The following CARS1 variants were observed in gnomAD, a reference collection of about 807,000 sequenced individuals.
CARS1 encodes cysteine--tRNA ligase, cytoplasmic.
Under a neutral mutation model 106.2 loss-of-function variants are expected in CARS1, and 48 were observed. The observed-to-expected ratio is 0.45, with a 90% CI of 0.36 to 0.57. The LOEUF is 0.57. CARS1 is among the 20% of genes least tolerant of loss of function. The pLI is 0.00. For missense variants in CARS1, 968 were observed against 1,057.2 expected, an observed-to-expected ratio of 0.92 and a Z score of 1.17; for synonymous variants, 409 against 403.4, an observed-to-expected ratio of 1.01 and a Z score of -0.17.
chr11:3,025,830 G>C (rs1050372224), intron 10 of CARS1, among the ~76,000 whole-genome samples: 1 of 152,142 alleles, frequency 6.6e-6, no homozygotes, highest in Admixed American at 6.5e-5. Context: ...GATCCAGATG[G>C]GCGCACAGGC....
rs1188388613 is a variant in CARS1 at position 3,040,657 on chromosome 11, C to T, written c.455+239G>A. The T allele has an allele frequency of 4.4e-6, 3 of 679,750 alleles. No homozygotes were observed. The highest frequency in any genetic ancestry group is 3.0e-5 in the South Asian group (2 of 66,352). The allele number at this position is 679,750 out of a possible 1,614,324, so 42.1% of individuals were successfully genotyped here. On this transcript the variant is annotated intron_variant, in intron 4 of 22. Coordinates refer to ENST00000380525, the MANE Select transcript of CARS1 (RefSeq NM_001014437.3). This position sits in a 1 kb window ranked among gnomAD's most constrained non-coding sequence, Gnocchi z 5.8. ...CGAGTCCAGCATGTTAGCAGTGGGG[C>T]TATGGACATTTTCTTTTTGGTGATC... is the stretch of plus-strand genomic sequence containing the variant.
Position 3,029,766 on chromosome 11 carries a change from G to T in CARS1, c.802-323C>A. The T allele has an allele frequency of 2.8e-6, 1 of 357,234 alleles. No individual in the cohort carries two copies. The highest frequency in any genetic ancestry group is 5.1e-5 in the South Asian group (1 of 19,610). 22.1% of individuals were successfully genotyped at this position (357,234 alleles called of 1,614,324 possible). A position where few individuals can be genotyped will look rare whatever the true frequency, so the allele number is the denominator to read the frequency against. ...GCCTACCTGGGCCGTGCAGGGCAGG[G>T]TTATGGGCAGAGGCTGGGCAGGAGC... On this transcript the variant is annotated intron_variant, in intron 7 of 22. Transcript: ENST00000380525. This position sits in a 1 kb window ranked among gnomAD's most constrained non-coding sequence, Gnocchi z 5.9.
At chr11:3,036,261 A>T (rs553694244) in intron 7 of CARS1, among the ~76,000 whole-genome samples, 1 of 152,228 alleles carries the variant, frequency 6.6e-6, no homozygotes, top group Non-Finnish European at 1.5e-5. Context: ...CTCGATGCCG[A>T]GTCTCATGAG....
Position 3,019,020 on chromosome 11 carries a change from C to T in CARS1, c.1395+119G>A, listed in dbSNP as rs747882472. On this transcript the variant is annotated intron_variant, in intron 12 of 22. Coordinates refer to ENST00000380525, the MANE Select transcript of CARS1 (RefSeq NM_001014437.3). The surrounding 1 kb of genome is among the most constrained non-coding windows in gnomAD (Gnocchi z 6.2). ...GGGTTCAGATTCCACCCACAAGCCC[C>T]GATGAAGGTGTCAAGTTCTAGTGAG... The T allele has an allele frequency of 2.4e-5, 30 of 1,228,188 alleles. No individual in the cohort carries two copies. Among genetic ancestry groups the T allele is most frequent in the Admixed American group, 4.8e-5 (2 of 41,362 alleles). 76.1% of individuals were successfully genotyped at this position (1,228,188 alleles called of 1,614,324 possible). A position where few individuals can be genotyped will look rare whatever the true frequency, so the allele number is the denominator to read the frequency against.
chr11:3,012,040 G>C (rs1014006989), intron 18 of CARS1, among the ~76,000 whole-genome samples, 155 bp downstream of exon 18: 1 of 152,240 alleles, frequency 6.6e-6, no homozygotes, highest in African/African-American at 2.4e-5. Context: ...GGTGGGTCCA[G>C]GCCCGGGATG....
At position 3,038,272 on chromosome 11, in the gene CARS1, G is replaced by A; in HGVS notation, c.652-73C>T. On this transcript the variant is annotated intron_variant, in intron 6 of 22. Coordinates refer to ENST00000380525, the MANE Select transcript of CARS1 (RefSeq NM_001014437.3). The surrounding 1 kb of genome is among the most constrained non-coding windows in gnomAD (Gnocchi z 4.0). ...ACCTAAATTCATAAAGGTGATTCCA[G>A]GTAGAAAACAGAACGGTTTTTCCCA... 1 of 1,421,950 alleles carries A rather than the reference G, an allele frequency of 7.0e-7. No individual in the cohort carries two copies. The highest frequency in any genetic ancestry group is 9.8e-7 in the Non-Finnish European group (1 of 1,018,594). 88.1% of individuals were successfully genotyped at this position (1,421,950 alleles called of 1,614,324 possible).
chr11:3,044,417 C>CT lies in CARS1; in HGVS notation c.275-2162dup, dbSNP rs548042692. Among the ~76,000 whole-genome samples, 1,074 of 146,714 alleles carry CT rather than the reference C, an allele frequency of 7.3e-3. 6 individuals carry two copies. The highest frequency in any genetic ancestry group is 0.021 in the African/African-American group (837 of 40,344). ...ATATCACATAAGGACCCTTGCCCCC[C>CT]TTTTTTTTTTTTAGATAAAATCTGG... On this transcript the variant is annotated intron_variant, in intron 2 of 22. Transcript: ENST00000380525. The surrounding 1 kb of genome is among the most constrained non-coding windows in gnomAD (Gnocchi z 4.4).
intron 9 of CARS1, 51 bp from the exon 10 acceptor site, chr11:3,026,848 G>A (rs376026773): frequency 1.9e-6 from 3 of 1,576,472 alleles, no homozygotes; most frequent in Non-Finnish European, 2.6e-6. Flanking sequence ...ACCCGAAAGT[G>A]TGTCAGCAGG....
chr11:3,009,902 G>A (rs1850283527), intron 18 of CARS1, among the ~76,000 whole-genome samples: 1 of 152,216 alleles, frequency 6.6e-6, no homozygotes, highest in Non-Finnish European at 1.5e-5. Flanking sequence ...ACTATTTGCT[G>A]CTGCTGGGGA....
At chr11:3,024,349 A>G (rs1851847890) in intron 10 of CARS1, among the ~76,000 whole-genome samples, 1 of 152,046 alleles carries the variant, frequency 6.6e-6, no homozygotes, top group African/African-American at 2.4e-5. Flanking sequence ...TTTCTTTCCT[A>G]GGAGTTATCC....
chr11:3,026,887 T>C (rs539495757), intron 9 of CARS1, 90 bp from the exon 10 acceptor site: 99 of 1,459,028 alleles, frequency 6.8e-5, no homozygotes, highest in East Asian at 2.3e-5. Flanking sequence ...AGCAGGGCTA[T>C]AAAAGTGCGA....
intron 1 of CARS1, among the ~76,000 whole-genome samples, chr11:3,056,773 T>TG (rs1158326672): frequency 1.3e-5 from 2 of 152,108 alleles, no homozygotes; most frequent in Non-Finnish European, 2.9e-5. Context: ...AAAGGCCAGC[T>TG]GGGGCAAGAG....
intron 7 of CARS1, among the ~76,000 whole-genome samples, chr11:3,033,139 T>G (rs1299100059): frequency 2.0e-5 from 3 of 152,136 alleles, no homozygotes; most frequent in Non-Finnish European, 4.4e-5. Flanking sequence ...CTTGTTTTTG[T>G]TTTTTTAAGA....
rs746221065 is a variant in CARS1, at chr11:3,005,457, A to T, written c.2150-24T>A. 3 of 1,604,944 alleles carry T rather than the reference A, an allele frequency of 1.9e-6. No individual in the cohort carries two copies. In the Admixed American group the frequency reaches 5.0e-5, roughly 27 times the overall value. On this transcript the variant is annotated intron_variant, in intron 19 of 22. Coordinates refer to ENST00000380525, the MANE Select transcript of CARS1 (RefSeq NM_001014437.3). The stretch of plus-strand genomic sequence containing the variant: ...TCCTGCAAAATAAACTGCGTGTGAG[A>T]AGAGTCTGGGCTCTGTGGGCCGTCC...
In CARS1 at chr11:3,053,451, G is replaced by C. The variant is rs1350231176; in HGVS notation, c.25+3892C>G. 6.6e-6 allele frequency among the ~76,000 whole-genome samples: 1 copy of C among 152,096 alleles called. No homozygotes were observed. The highest frequency in any genetic ancestry group is 1.5e-5 in the Non-Finnish European group (1 of 68,014). ...TCTACATATTGGCCAGGCTGGTCTA[G>C]AACTCCTGACCTCAGGTGATCCACC... On this transcript the variant is annotated intron_variant, in intron 1 of 22. Transcript: ENST00000380525. This position sits in a 1 kb window ranked among gnomAD's most constrained non-coding sequence, Gnocchi z 6.6.
At chr11:3,016,514 C>T (rs1226723954) in intron 16 of CARS1, among the ~76,000 whole-genome samples, 1 of 152,068 alleles carries the variant, frequency 6.6e-6, no homozygotes, top group Non-Finnish European at 1.5e-5. Flanking sequence ...TGAGCCACAG[C>T]GCCTGGCGTG....
At position 3,041,400 on chromosome 11, in the gene CARS1, T is replaced by C. The variant is rs116267373; in HGVS notation, c.367-416A>G. Reference sequence around the variant, plus strand: ...GGTTATGTCATTTTCTTTTTACGGATGAAGAAACTGAGGCAGACAACACTT... The same window carrying C: ...GGTTATGTCATTTTCTTTTTACGGACGAAGAAACTGAGGCAGACAACACTT... On this transcript the variant is annotated intron_variant, in intron 3 of 22. Coordinates refer to ENST00000380525, the MANE Select transcript of CARS1 (RefSeq NM_001014437.3). This position sits in a 1 kb window ranked among gnomAD's most constrained non-coding sequence, Gnocchi z 4.9. 1,493 of 175,730 alleles carry C rather than the reference T, an allele frequency of 8.5e-3. 23 individuals are homozygous for C. Among genetic ancestry groups the C allele is most frequent in the African/African-American group, 0.034 (1,418 of 41,842 alleles). 10.9% of individuals were successfully genotyped at this position (175,730 alleles called of 1,614,324 possible).
In CARS1 at chr11:3,028,355, CTCTTT is replaced by C. The variant is rs977563930; in HGVS notation, c.1031+636_1031+640del. The C allele has an allele frequency of 1.2e-4, 54 of 438,056 alleles. No homozygotes were observed. The highest frequency in any genetic ancestry group is 7.6e-4 in the African/African-American group (36 of 47,268). 27.1% of individuals were successfully genotyped at this position (438,056 alleles called of 1,614,324 possible). On this transcript the variant is annotated intron_variant, in intron 9 of 22. Coordinates refer to ENST00000380525, the MANE Select transcript of CARS1 (RefSeq NM_001014437.3). The surrounding 1 kb of genome is among the most constrained non-coding windows in gnomAD (Gnocchi z 4.4). ...GTGGTCCCCCGGGCCCAGCTGTCTT[CTCTTT>C]TATCTCTTTGTCTTGTGTCTTTATT...
Position 3,029,702 on chromosome 11 carries a change from G to T in CARS1, c.802-259C>A. ...GGGACTGTGGGTGCAGAGGCAAAAAGAGGTGGGAGGGCCGAGGTGGGCCTG... is the reference window on the plus strand; with the variant it reads ...GGGACTGTGGGTGCAGAGGCAAAAATAGGTGGGAGGGCCGAGGTGGGCCTG... On this transcript the variant is annotated intron_variant, in intron 7 of 22. Transcript: ENST00000380525. This position sits in a 1 kb window ranked among gnomAD's most constrained non-coding sequence, Gnocchi z 5.9. 2.0e-6 allele frequency: 1 copy of T among 501,514 alleles called. No individual in the cohort carries two copies. Among genetic ancestry groups the T allele is most frequent in the Non-Finnish European group, 3.5e-6 (1 of 283,524 alleles). 31.1% of individuals were successfully genotyped at this position (501,514 alleles called of 1,614,324 possible).
Sources: gnomAD v4.1 joint callset for allele counts (sites outside exome capture counted in the v4.1 genomes callset) on GRCh38, gnomAD v4.1.1 for gene constraint, Gnocchi (gnomAD v3.1) non-coding constraint, MANE v1.5 for transcripts, NCBI Gene and HGNC (gene_info 2026-07-23, HGNC 2026-07-21) for gene names.